ETV5: variants seen among roughly 807,000 people sequenced by gnomAD.
ETV5 encodes the protein ETS translocation variant 5.
A neutral mutation model predicts 70.0 loss-of-function variants in ETV5; 10 were observed. The observed-to-expected ratio is 0.14, with a 90% CI of 0.09 to 0.24. The LOEUF (loss-of-function observed/expected upper bound fraction) is 0.24, where lower values mean the gene tolerates loss of function less well. ETV5 is among the 10% of genes least tolerant of loss of function. The pLI, the probability that ETV5 is intolerant of heterozygous loss-of-function variation, is 1.00. For missense variants in ETV5, 453 were observed against 651.2 expected, an observed-to-expected ratio of 0.70 and a Z score of 3.31; for synonymous variants, 216 against 242.2, an observed-to-expected ratio of 0.89 and a Z score of 1.01.
Position 186,048,220 on chromosome 3 carries a change from G to GA in ETV5, c.*418dup, listed in dbSNP as rs1217579341. 1 of 250,282 alleles carries GA rather than the reference G, an allele frequency of 4.0e-6. No homozygotes were observed. Among genetic ancestry groups the GA allele is most frequent in the East Asian group, 5.8e-5 (1 of 17,212 alleles). 15.5% of individuals were successfully genotyped at this position (250,282 alleles called of 1,614,324 possible). A position where few individuals can be genotyped will look rare whatever the true frequency, so the allele number is the denominator to read the frequency against. On this transcript the variant is annotated 3_prime_UTR_variant, in exon 13 of 13. Coordinates refer to ENST00000306376, the MANE Select transcript of ETV5 (RefSeq NM_004454.3). ...CCTACTTACTTTTCTATGGGTTTGT[G>GA]ATTTTTCAACAAATTGTGCAAATCA...
intron 12 of ETV5, among the ~76,000 whole-genome samples, chr3:186,050,028 T>A (rs955889472): frequency 1.3e-5 from 2 of 152,218 alleles, no homozygotes; most frequent in Non-Finnish European, 2.9e-5. Flanking sequence ...ATCATTCACC[T>A]TTTAATGAGC....
chr3:186,053,069 T>C (rs1438948278), intron 11 of ETV5, among the ~76,000 whole-genome samples: 1 of 143,890 alleles, frequency 6.9e-6, no homozygotes, highest in African/African-American at 2.5e-5. Context: ...TTTGGAAACT[T>C]AAAAAAAAAA....
At chr3:186,055,854 T>C (rs1311353975) in intron 11 of ETV5, among the ~76,000 whole-genome samples, 5 of 152,186 alleles carry the variant, frequency 3.3e-5, no homozygotes, top group African/African-American at 1.2e-4. Context: ...CTCGTTCAAA[T>C]GCTTTCTAAG....
At chr3:186,085,761 C>T (rs769211163) in intron 5 of ETV5, among the ~76,000 whole-genome samples, 8 of 152,104 alleles carry the variant, frequency 5.3e-5, no homozygotes, top group South Asian at 2.1e-4. Context: ...CCGCCTGCCT[C>T]GGCCTCCCAA....
intron 7 of ETV5, among the ~76,000 whole-genome samples, chr3:186,067,805 G>C (rs1426558613): frequency 2.0e-5 from 3 of 152,066 alleles, no homozygotes; most frequent in African/African-American, 4.8e-5. Flanking sequence ...CATCAAACCA[G>C]GGGGAAAGAA....
intron 6 of ETV5, among the ~76,000 whole-genome samples, chr3:186,080,364 C>T (rs1713903633): frequency 6.6e-6 from 1 of 151,604 alleles, no homozygotes; most frequent in Non-Finnish European, 1.5e-5. Flanking sequence ...TCCTTTTTCC[C>T]TCCTTCTAAA....
intron 12 of ETV5, among the ~76,000 whole-genome samples, chr3:186,050,277 C>G (rs999981402): frequency 1.3e-5 from 2 of 152,116 alleles, no homozygotes; most frequent in Non-Finnish European, 2.9e-5. Context: ...ATTCCTGGGC[C>G]TTCCTGTACT....
intron 5 of ETV5, among the ~76,000 whole-genome samples, chr3:186,096,835 G>T (rs1301614055): frequency 6.6e-6 from 1 of 152,144 alleles, no homozygotes; most frequent in Non-Finnish European, 1.5e-5. Context: ...AACACTGGAC[G>T]TGTGTCTGTG....
chr3:186,069,783 G>A (rs1713555771), intron 7 of ETV5, among the ~76,000 whole-genome samples: 1 of 152,070 alleles, frequency 6.6e-6, no homozygotes, highest in Non-Finnish European at 1.5e-5. Context: ...ACAGGCAAAA[G>A]CCACGGTACC....
intron 8 of ETV5, among the ~76,000 whole-genome samples, chr3:186,065,566 A>C (rs1219637452): frequency 1.3e-5 from 2 of 152,192 alleles, no homozygotes; most frequent in Non-Finnish European, 2.9e-5. Context: ...GATGTACTTC[A>C]TACCACTTCT....
At chr3:186,060,080 T>A (rs1415586705) in intron 9 of ETV5, among the ~76,000 whole-genome samples, 1 of 152,230 alleles carries the variant, frequency 6.6e-6, no homozygotes, top group Non-Finnish European at 1.5e-5. Flanking sequence ...ATATGTATTT[T>A]GATATTCCGG....
At chr3:186,078,106 C>A (rs1007021201) in intron 7 of ETV5, 4 of 1,051,500 alleles carry the variant, frequency 3.8e-6, no homozygotes, top group Non-Finnish European at 4.6e-6. Context: ...TGGAGACAGG[C>A]TTATTTCACA....
At chr3:186,064,572 A>G in intron 8 of ETV5, 96 bp from the exon 9 acceptor site, 1 of 1,212,372 alleles carries the variant, frequency 8.2e-7, no homozygotes, top group South Asian at 1.2e-5. Context: ...AAGCCCCTAA[A>G]CTTCCTGCTC....
chr3:186,092,398 G>A (rs1218680520), intron 5 of ETV5, among the ~76,000 whole-genome samples: 2 of 152,130 alleles, frequency 1.3e-5, no homozygotes, highest in African/African-American at 4.8e-5. Context: ...AAGAGTTATT[G>A]ATAAAATTTT....
At chr3:186,103,274 A>T (rs868452318) in intron 5 of ETV5, among the ~76,000 whole-genome samples, 2 of 152,192 alleles carry the variant, frequency 1.3e-5, no homozygotes, top group Non-Finnish European at 2.9e-5. Flanking sequence ...GCTGAGCAGA[A>T]ATTATTTCTA....
intron 5 of ETV5, among the ~76,000 whole-genome samples, chr3:186,092,994 G>A (rs904607177): frequency 1.3e-5 from 2 of 152,184 alleles, no homozygotes; most frequent in African/African-American, 2.4e-5. Flanking sequence ...ACCTTGCAGA[G>A]TTCTGGAGAG....
chr3:186,108,260 C>T (rs1714644261), intron 1 of ETV5, among the ~76,000 whole-genome samples: 1 of 151,978 alleles, frequency 6.6e-6, no homozygotes, highest in South Asian at 2.1e-4. Context: ...GTGCTGTCCC[C>T]TCCACACCCG....
At chr3:186,092,496 C>T (rs570880067) in intron 5 of ETV5, among the ~76,000 whole-genome samples, 50 of 152,164 alleles carry the variant, frequency 3.3e-4, no homozygotes, top group Middle Eastern at 3.4e-3. Context: ...AGCAATGGCG[C>T]AATCATAGCT....
chr3:186,061,594 G>C (rs906761174), intron 9 of ETV5, among the ~76,000 whole-genome samples: 1 of 152,182 alleles, frequency 6.6e-6, no homozygotes, highest in African/African-American at 2.4e-5. Flanking sequence ...AGAAAAAGAA[G>C]ACATACATCT....
Sources: allele counts gnomAD v4.1 joint callset (sites outside exome capture counted in the v4.1 genomes callset), GRCh38; gene constraint gnomAD v4.1.1; transcripts MANE v1.5; gene names NCBI Gene and HGNC (gene_info 2026-07-23, HGNC 2026-07-21).